OSBPL9: variants seen among roughly 807,000 people sequenced by gnomAD.
OSBPL9 encodes oxysterol-binding protein-related protein 9.
OSBPL9 carries 40 observed loss-of-function variants against 106.6 expected under a neutral mutation model. The ratio of observed to expected loss-of-function variants is 0.38; its 90% confidence interval spans 0.29 to 0.49. The LOEUF is 0.49. Among genes scored for constraint, OSBPL9 ranks in the 20% least tolerant of loss-of-function variants. The pLI, the probability that OSBPL9 is intolerant of heterozygous loss-of-function variation, is 0.97. For synonymous variants in OSBPL9, 269 were observed against 295.4 expected, an observed-to-expected ratio of 0.91 and a Z score of 0.92; for missense variants, 609 against 887.2, an observed-to-expected ratio of 0.69 and a Z score of 3.98.
chr1:51,708,263 T>C (rs1659028680), intron 3 of OSBPL9: 2 of 144,466 alleles, frequency 1.4e-5, no homozygotes, highest in Admixed American at 6.9e-5. Context: ...TTTTTCTTTT[T>C]CTTTTTTTTT....
intron 2 of OSBPL9, among the ~76,000 whole-genome samples, chr1:51,652,800 T>C (rs943062690): frequency 3.9e-5 from 6 of 152,152 alleles, no homozygotes; most frequent in Admixed American, 1.3e-4. Context: ...ATTGTTCAAA[T>C]AGGTAAAGGC....
chr1:51,644,382 A>C (rs940559442), intron 1 of OSBPL9, among the ~76,000 whole-genome samples: 2 of 152,058 alleles, frequency 1.3e-5, no homozygotes, highest in African/African-American at 2.4e-5. Flanking sequence ...GCTGGAGTGT[A>C]GTGGCGCAAT....
chr1:51,640,514 G>A (rs1185042071), intron 1 of OSBPL9, among the ~76,000 whole-genome samples: 2 of 152,048 alleles, frequency 1.3e-5, no homozygotes, highest in South Asian at 2.1e-4. Flanking sequence ...TTGTTTTATT[G>A]TAATAATTTA....
chr1:51,727,307 T>C (rs1425912317), intron 4 of OSBPL9, among the ~76,000 whole-genome samples: 2 of 152,186 alleles, frequency 1.3e-5, no homozygotes, highest in African/African-American at 2.4e-5. Context: ...ATGTTTTTTT[T>C]CCCCTCCACC....
chr1:51,622,671 C>G (rs1345556489), intron 1 of OSBPL9, among the ~76,000 whole-genome samples: 1 of 152,154 alleles, frequency 6.6e-6, no homozygotes, highest in African/African-American at 2.4e-5. Flanking sequence ...CATTCCTCAC[C>G]AGGTAGCCTC....
intron 1 of OSBPL9, among the ~76,000 whole-genome samples, chr1:51,617,647 A>G (rs889509102): frequency 4.1e-4 from 62 of 152,192 alleles, no homozygotes; most frequent in South Asian, 1.5e-3. Context: ...GCTTCCCTCC[A>G]GGGATTGAAG....
intron 9 of OSBPL9, chr1:51,759,858 AC>A (rs1186110687): frequency 3.3e-5 from 5 of 152,122 alleles, no homozygotes; most frequent in Admixed American, 3.3e-4. Flanking sequence ...CCTCTTCTCT[AC>A]ACTCCCCAGT....
chr1:51,574,605 C>T (rs761833375), upstream of OSBPL9, among the ~76,000 whole-genome samples: 1 of 151,330 alleles, frequency 6.6e-6, no homozygotes, highest in African/African-American at 2.4e-5. Context: ...TGCGACAGAG[C>T]GAGACTCTGT....
chr1:51,610,925 T>C (rs1472151398), intron 2 of OSBPL9, among the ~76,000 whole-genome samples: 1 of 152,116 alleles, frequency 6.6e-6, no homozygotes, highest in Non-Finnish European at 1.5e-5. Flanking sequence ...GTAGATGCAA[T>C]AGGTTGTCCC....
chr1:51,767,829 G>C (rs945670629), intron 12 of OSBPL9, among the ~76,000 whole-genome samples: 10 of 151,674 alleles, frequency 6.6e-5, no homozygotes, highest in African/African-American at 2.4e-4. Context: ...TATAATAATG[G>C]GGTTAAAAGA....
chr1:51,531,171 G>A, the OSBPL9 span, among the ~76,000 whole-genome samples: 1 of 151,998 alleles, frequency 6.6e-6, no homozygotes, highest in East Asian at 1.9e-4. Flanking sequence ...CCAGCTACTC[G>A]GGAGGCTGAG....
At chr1:51,527,076 T>G in the OSBPL9 span, among the ~76,000 whole-genome samples, 1 of 152,072 alleles carries the variant, frequency 6.6e-6, no homozygotes, top group Non-Finnish European at 1.5e-5. Flanking sequence ...AATTATACGC[T>G]AGGACCCCTA....
intron 3 of OSBPL9, among the ~76,000 whole-genome samples, chr1:51,670,229 A>G (rs1249307011): frequency 6.6e-6 from 1 of 152,174 alleles, no homozygotes; most frequent in African/African-American, 2.4e-5. Flanking sequence ...GTCTATTAGG[A>G]GTGACTGTTA....
At chr1:51,607,947 T>C (rs1196964600) in intron 2 of OSBPL9, among the ~76,000 whole-genome samples, 3 of 152,224 alleles carry the variant, frequency 2.0e-5, no homozygotes, top group Non-Finnish European at 2.9e-5. Context: ...GTTTTATACA[T>C]TGGCATGGTT....
At chr1:51,660,287 A>G (rs1466224932) in intron 2 of OSBPL9, among the ~76,000 whole-genome samples, 2 of 152,192 alleles carry the variant, frequency 1.3e-5, no homozygotes, top group Non-Finnish European at 2.9e-5. Context: ...ACAATGGCAA[A>G]TATTTGTGGA....
intron 1 of OSBPL9, chr1:51,583,719 G>A (rs1198414473): frequency 2.0e-5 from 3 of 152,196 alleles, no homozygotes; most frequent in African/African-American, 7.2e-5. Flanking sequence ...GAGCAGCAGA[G>A]TGTTCCTCAG....
chr1:51,530,336 G>A, the OSBPL9 span, among the ~76,000 whole-genome samples: 3 of 151,830 alleles, frequency 2.0e-5, no homozygotes, highest in Non-Finnish European at 2.9e-5. Context: ...TCTGTACTTC[G>A]AAGGACACCA....
At chr1:51,747,961 T>G (rs1668382527) in intron 6 of OSBPL9, among the ~76,000 whole-genome samples, 1 of 152,140 alleles carries the variant, frequency 6.6e-6, no homozygotes, top group Non-Finnish European at 1.5e-5. Context: ...AGCTAATTTT[T>G]TGTATTTTTA....
chr1:51,788,554 A>C lies in OSBPL9; in HGVS notation c.*765A>C, dbSNP rs748862205. ...AATACAAGAGCTAGCTTTTCAAAGA[A>C]AGACACTTGAAATAATGGAGGATCC... On this transcript the variant is annotated 3_prime_UTR_variant, in exon 24 of 24. Transcript: ENST00000428468. 2 of 152,592 alleles carry C rather than the reference A, an allele frequency of 1.3e-5. No individual in the cohort carries two copies. The highest frequency in any genetic ancestry group is 2.4e-5 in the African/African-American group (1 of 41,590). 9.5% of individuals were successfully genotyped at this position (152,592 alleles called of 1,614,324 possible).
Sources: gnomAD v4.1 joint callset for allele counts (sites outside exome capture counted in the v4.1 genomes callset) on GRCh38, gnomAD v4.1.1 for gene constraint, MANE v1.5 for transcripts, NCBI Gene and HGNC (gene_info 2026-07-23, HGNC 2026-07-21) for gene names.